Variants in ATAD1 observed in about 807,000 individuals in gnomAD.
The protein encoded by ATAD1 is ATPase family AAA domain containing 1.
In ATAD1, 18 loss-of-function variants were observed where a neutral mutation model predicts 42.7. The ratio of observed to expected loss-of-function variants is 0.42; its 90% confidence interval spans 0.29 to 0.63. The LOEUF (loss-of-function observed/expected upper bound fraction) is 0.63. ATAD1 is among the 20% of genes least tolerant of loss of function. ATAD1 has a pLI of 0.19. For missense variants in ATAD1, 294 were observed against 440.4 expected, an observed-to-expected ratio of 0.67 and a Z score of 2.98; for synonymous variants, 132 against 143.1, an observed-to-expected ratio of 0.92 and a Z score of 0.55.
chr10:87,766,472 C>A (rs1051066692), intron 8 of ATAD1, among the ~76,000 whole-genome samples: 5 of 151,780 alleles, frequency 3.3e-5, no homozygotes, highest in Non-Finnish European at 5.9e-5. Context: ...GGAAAGATCT[C>A]AACGATACGT....
In ATAD1 at chr10:87,762,549, C is replaced by T. The variant is rs199856659; in HGVS notation, c.831+5124G>A. Among the ~76,000 whole-genome samples the T allele has an allele frequency of 2.0e-5, 3 of 151,666 alleles. No individual in the cohort carries two copies. The East Asian group carries it at 5.9e-4, about 30-fold the overall frequency. On this transcript the variant is annotated intron_variant, in intron 8 of 9. Coordinates refer to ENST00000680024, the MANE Select transcript of ATAD1 (RefSeq NM_001321967.2). ...GCGCGATCTCGGCTCACTGCAACCT[C>T]TGCCTCCGGGGTTCAAGTGATTTTC...
upstream of ATAD1, chr10:87,818,308 G>T (rs1448795860): frequency 1.0e-6 from 1 of 965,250 alleles, no homozygotes; most frequent in Non-Finnish European, 1.2e-6. Flanking sequence ...CGCCGGCGCG[G>T]AGGGGGCGTG....
intron 2 of ATAD1, among the ~76,000 whole-genome samples, chr10:87,797,902 G>A (rs1246936504): frequency 1.3e-5 from 2 of 152,078 alleles, no homozygotes; most frequent in African/African-American, 4.8e-5. Context: ...TGTTTTTGCA[G>A]GTAAATGACA....
At chr10:87,825,576 T>C (rs1283094131) in intron 1 of ATAD1, among the ~76,000 whole-genome samples, 1 of 152,186 alleles carries the variant, frequency 6.6e-6, no homozygotes, top group Non-Finnish European at 1.5e-5. Context: ...CCCAAAGTAC[T>C]GGGATTACAG....
Position 87,754,564 on chromosome 10 carries a change from G to T in ATAD1, c.*123C>A. 8.5e-7 allele frequency: 1 copy of T among 1,178,346 alleles called. No individual in the cohort carries two copies. 73.0% of individuals were successfully genotyped at this position (1,178,346 alleles called of 1,614,324 possible). ...ATATCTCAATAACTTAGAATTCAGA[G>T]TATAAAACCATAAACACTGAGCTCC... On this transcript the variant is annotated 3_prime_UTR_variant, in exon 10 of 10. Coordinates refer to ENST00000680024, the MANE Select transcript of ATAD1 (RefSeq NM_001321967.2).
upstream of ATAD1, among the ~76,000 whole-genome samples, chr10:87,819,750 A>G (rs1296262957): frequency 6.6e-6 from 1 of 152,248 alleles, no homozygotes; most frequent in Non-Finnish European, 1.5e-5. Context: ...CATACCTTGT[A>G]CTTTACGTTT....
intron 1 of ATAD1, chr10:87,832,925 T>G (rs1477434402): frequency 6.6e-6 from 1 of 152,184 alleles, no homozygotes; most frequent in Non-Finnish European, 1.5e-5. Flanking sequence ...CTTTTCTACC[T>G]GGGCTGGTCC....
intron 8 of ATAD1, among the ~76,000 whole-genome samples, chr10:87,765,175 A>T (rs2131785818): frequency 6.6e-6 from 1 of 152,216 alleles, no homozygotes; most frequent in African/African-American, 2.4e-5. Flanking sequence ...AGAATTAGCC[A>T]TGGGGTTTCT....
At chr10:87,786,628 A>G (rs1855846561) in intron 4 of ATAD1, among the ~76,000 whole-genome samples, 1 of 152,236 alleles carries the variant, frequency 6.6e-6, no homozygotes, top group African/African-American at 2.4e-5. Flanking sequence ...CCTGGGTAGT[A>G]GTTACATAAG....
intron 1 of ATAD1, among the ~76,000 whole-genome samples, chr10:87,817,071 C>G (rs1201512704): frequency 6.6e-6 from 1 of 152,170 alleles, no homozygotes. Context: ...GTAATAAAGA[C>G]TTAGGTCTAC....
intron 3 of ATAD1, among the ~76,000 whole-genome samples, chr10:87,791,363 C>T (rs1194690786): frequency 6.6e-6 from 1 of 151,082 alleles, no homozygotes; most frequent in African/African-American, 2.4e-5. Flanking sequence ...GAGTTGGGGC[C>T]AATCAGAAGC....
intron 8 of ATAD1, among the ~76,000 whole-genome samples, chr10:87,760,483 C>A (rs907660337): frequency 6.6e-6 from 1 of 152,168 alleles, no homozygotes; most frequent in African/African-American, 2.4e-5. Flanking sequence ...GCTTGTGGAA[C>A]GGTGAGTCAA....
chr10:87,768,949 T>C (rs1026566259), intron 7 of ATAD1, among the ~76,000 whole-genome samples: 13 of 152,096 alleles, frequency 8.5e-5, no homozygotes, highest in Non-Finnish European at 1.6e-4. Context: ...AACGTGGTGG[T>C]GCATGCCTAT....
At chr10:87,831,141 T>C (rs1313538055) in intron 1 of ATAD1, among the ~76,000 whole-genome samples, 2 of 152,210 alleles carry the variant, frequency 1.3e-5, no homozygotes, top group South Asian at 4.1e-4. Context: ...GGGGAGAGGA[T>C]TGGAGATAAG....
At chr10:87,817,957 G>A in intron 1 of ATAD1, 1 of 985,618 alleles carries the variant, frequency 1.0e-6, no homozygotes, top group Non-Finnish European at 1.2e-6. Context: ...GGCCGGGCCG[G>A]ACGCCAAGGC....
intron 4 of ATAD1, among the ~76,000 whole-genome samples, chr10:87,785,521 G>T (rs1464338026): frequency 6.6e-6 from 1 of 150,688 alleles, no homozygotes; most frequent in Non-Finnish European, 1.5e-5. Context: ...AACTGTAATA[G>T]GCAGACCTCT....
intron 1 of ATAD1, chr10:87,841,161 A>T (rs1858027892): frequency 6.6e-6 from 1 of 152,116 alleles, no homozygotes. Context: ...GCCTATATGA[A>T]GTTTTGATTC....
rs1854024687 is a variant in ATAD1, at chr10:87,751,556, T to C, written c.*3131A>G. On this transcript the variant is annotated 3_prime_UTR_variant, in exon 10 of 10. Transcript: ENST00000680024. ...TTAATAAGGTTCAAGTTCTCCTCAA[T>C]ATGATTTTCATTAACATCATGATTT... The C allele has an allele frequency of 6.6e-6, 1 of 152,216 alleles. No homozygotes were observed. Among genetic ancestry groups the C allele is most frequent in the African/African-American group, 2.4e-5 (1 of 41,460 alleles). 9.4% of individuals were successfully genotyped at this position (152,216 alleles called of 1,614,324 possible).
intron 2 of ATAD1, among the ~76,000 whole-genome samples, chr10:87,794,906 C>A (rs1367009228): frequency 1.3e-5 from 2 of 152,180 alleles, no homozygotes; most frequent in Admixed American, 1.3e-4. Flanking sequence ...CCTGCAACAG[C>A]AGTCCCACTT....
Sources: gnomAD v4.1 joint callset for allele counts (sites outside exome capture counted in the v4.1 genomes callset) on GRCh38, gnomAD v4.1.1 for gene constraint, MANE v1.5 for transcripts, NCBI Gene and HGNC (gene_info 2026-07-23, HGNC 2026-07-21) for gene names.